FBXL17: variants seen among roughly 807,000 people sequenced by gnomAD.
FBXL17 encodes F-box/LRR-repeat protein 17.
In FBXL17, 22 loss-of-function variants were observed where a neutral mutation model predicts 66.2. The ratio of observed to expected loss-of-function variants is 0.33; its 90% CI spans 0.24 to 0.47. The LOEUF (loss-of-function observed/expected upper bound fraction) is 0.47, where lower values mean the gene tolerates loss of function less well. Among genes scored for constraint, FBXL17 ranks in the 20% least tolerant of loss-of-function variants. The pLI is 1.00. For missense variants in FBXL17, 878 were observed against 948.2 expected, an observed-to-expected ratio of 0.93 and a Z score of 0.97; for synonymous variants, 474 against 400.5, an observed-to-expected ratio of 1.18 and a Z score of -2.19.
At chr5:108,142,024 T>G (rs1435467329) in intron 6 of FBXL17, among the ~76,000 whole-genome samples, 1 of 152,248 alleles carries the variant, frequency 6.6e-6, no homozygotes, top group Non-Finnish European at 1.5e-5. Context: ...TACTAGAATG[T>G]CAGCTCCTTC....
At chr5:108,348,014 T>G (rs567314473) in intron 4 of FBXL17, among the ~76,000 whole-genome samples, 46 of 152,314 alleles carry the variant, frequency 3.0e-4, no homozygotes, top group South Asian at 2.3e-3. Flanking sequence ...AGTACATTTT[T>G]CTGGACAATA....
At chr5:108,120,668 C>A (rs984313082) in intron 6 of FBXL17, among the ~76,000 whole-genome samples, 1 of 151,862 alleles carries the variant, frequency 6.6e-6, no homozygotes, top group African/African-American at 2.4e-5. Context: ...CTTATCTCTA[C>A]AAAAAAACAT....
At chr5:108,247,141 C>T (rs1756137070) in intron 4 of FBXL17, among the ~76,000 whole-genome samples, 1 of 152,150 alleles carries the variant, frequency 6.6e-6, no homozygotes, top group Admixed American at 6.6e-5. Context: ...CAAGTATCCA[C>T]AATAACATGA....
At chr5:108,370,027 C>T (rs1226253324) in intron 1 of FBXL17, among the ~76,000 whole-genome samples, 2 of 152,162 alleles carry the variant, frequency 1.3e-5, no homozygotes, top group Non-Finnish European at 1.5e-5. Flanking sequence ...CCACAGGGCA[C>T]ATGTACACTC....
At position 108,203,563 on chromosome 5, in the gene FBXL17, T is replaced by C. The variant is rs1459854810; in HGVS notation, c.1615-17316A>G. On this transcript the variant is annotated intron_variant, in intron 5 of 8. Coordinates refer to ENST00000542267, the MANE Select transcript of FBXL17 (RefSeq NM_001163315.3). ...CTTTCATAATACAGTACTCACTAGG[T>C]CATATTCATTAGGGAATATTTCAGA... is the stretch of plus-strand genomic sequence containing the variant. Among the ~76,000 whole-genome samples the C allele has an allele frequency of 3.6e-4, 55 of 152,192 alleles. 1 individual carries two copies. Among genetic ancestry groups the C allele is most frequent in the Non-Finnish European group, 1.2e-4 (8 of 68,030 alleles).
At chr5:108,297,659 GTTT>G in intron 4 of FBXL17, 1 of 223,104 alleles carries the variant, frequency 4.5e-6, no homozygotes, top group Non-Finnish European at 7.5e-6. Context: ...TGCTAAAATT[GTTT>G]TTTAAATGTT....
chr5:107,880,252 A>G, intron 8 of FBXL17: 1 of 484,026 alleles, frequency 2.1e-6, no homozygotes. Flanking sequence ...TTGTTGGGGG[A>G]GAGGGGGATA....
intron 5 of FBXL17, among the ~76,000 whole-genome samples, chr5:108,223,526 T>C (rs1754963891): frequency 1.3e-5 from 2 of 152,202 alleles, no homozygotes; most frequent in South Asian, 2.1e-4. Context: ...AATGTAAGAA[T>C]TGGCTTTTAA....
In FBXL17 at chr5:108,381,459, T is replaced by C. The variant is rs1749918886; in HGVS notation, c.233A>G (p.Glu78Gly). The C allele has an allele frequency of 1.1e-5, 14 of 1,315,376 alleles. No homozygotes were observed. The highest frequency in any genetic ancestry group is 1.3e-5 in the Non-Finnish European group (14 of 1,039,336). The allele number at this position is 1,315,376 out of a possible 1,614,324, so 81.5% of individuals were successfully genotyped here. A position where few individuals can be genotyped will look rare whatever the true frequency, so the allele number is the denominator to read the frequency against. The change falls in exon 1 of 9, where the codon GAG (glutamate) becomes GGG (glycine). Residue 78 changes from glutamate to glycine, a missense_variant. Glu to Gly is a moderately conservative substitution (Grantham distance 98). This residue lies in a region of FBXL17 where 605 missense variants were observed against 509.5 expected (regional missense o/e 1.19). Coordinates refer to ENST00000542267, the MANE Select transcript of FBXL17 (RefSeq NM_001163315.3). ...CGGCGGCGGCGAGAGCGGCGGCTCC[T>C]CCTCTGGGCCGGCGGGGGCGGGCGC... The part of the protein sequence containing the change: ...PGAPAPAGPE[E>G]EPPLSPPPRD...
intron 4 of FBXL17, among the ~76,000 whole-genome samples, chr5:108,277,085 A>C (rs1220542278): frequency 1.3e-5 from 2 of 152,200 alleles, no homozygotes; most frequent in Non-Finnish European, 2.9e-5. Flanking sequence ...TCTATCAATG[A>C]AAACAGAATC....
chr5:108,189,818 T>C (rs936676563), intron 5 of FBXL17, among the ~76,000 whole-genome samples: 8 of 152,178 alleles, frequency 5.3e-5, no homozygotes, highest in Admixed American at 5.2e-4. Context: ...TGAAAAAGAC[T>C]ATGAGAGCCT....
chr5:108,045,360 T>C (rs1370312789), intron 6 of FBXL17, among the ~76,000 whole-genome samples: 2 of 152,086 alleles, frequency 1.3e-5, no homozygotes, highest in East Asian at 3.9e-4. Flanking sequence ...GAGAATCACT[T>C]GAACCCAGGA....
chr5:108,201,180 C>T (rs1753879242), intron 5 of FBXL17, among the ~76,000 whole-genome samples: 3 of 152,114 alleles, frequency 2.0e-5, no homozygotes, highest in Non-Finnish European at 4.4e-5. Context: ...TATCCAGGAG[C>T]CCCTTTAGAA....
intron 8 of FBXL17, among the ~76,000 whole-genome samples, chr5:107,875,071 T>A (rs1239386991): frequency 3.3e-5 from 5 of 152,050 alleles, no homozygotes; most frequent in African/African-American, 1.2e-4. Context: ...CTTATTTGGA[T>A]AGAATGTTTT....
chr5:108,294,010 C>A (rs538111559), intron 4 of FBXL17, among the ~76,000 whole-genome samples: 5 of 128,546 alleles, frequency 3.9e-5, no homozygotes, highest in Non-Finnish European at 7.8e-5. Flanking sequence ...CACTGCACTC[C>A]AGCCTGGGAG....
chr5:108,345,801 A>G (rs1005918871), intron 4 of FBXL17, among the ~76,000 whole-genome samples: 6 of 152,232 alleles, frequency 3.9e-5, no homozygotes, highest in Non-Finnish European at 5.9e-5. Context: ...AGATGTATGT[A>G]TACTCAAATA....
intron 5 of FBXL17, among the ~76,000 whole-genome samples, chr5:108,220,451 T>A (rs944406861): frequency 2.6e-5 from 4 of 152,314 alleles, no homozygotes; most frequent in African/African-American, 9.6e-5. Flanking sequence ...TTGTCCTTGG[T>A]TGCCTGATAC....
chr5:108,117,976 T>C (rs1750329518), intron 6 of FBXL17, among the ~76,000 whole-genome samples: 1 of 152,064 alleles, frequency 6.6e-6, no homozygotes, highest in Non-Finnish European at 1.5e-5. Flanking sequence ...CCGTAAGGAA[T>C]GAAAAAGCAG....
At chr5:108,142,162 T>C (rs1372392181) in intron 6 of FBXL17, among the ~76,000 whole-genome samples, 2 of 152,222 alleles carry the variant, frequency 1.3e-5, no homozygotes, top group Non-Finnish European at 2.9e-5. Context: ...CTCACTTTGA[T>C]TGGCATTAAT....
Sources: gnomAD v4.1 joint callset for allele counts (sites outside exome capture counted in the v4.1 genomes callset) on GRCh38, gnomAD v4.1.1 for gene constraint, gnomAD v4.1.1 regional missense constraint, MANE v1.5 for transcripts, NCBI Gene and HGNC (gene_info 2026-07-23, HGNC 2026-07-21) for gene names.